The following DOCK3 variants were observed in gnomAD, a reference collection of about 807,000 sequenced individuals.
The protein encoded by DOCK3 is dedicator of cytokinesis 3.
Under a neutral mutation model 265.6 loss-of-function variants are expected in DOCK3, and 60 were observed. The observed-to-expected ratio is 0.23, with a 90% CI of 0.18 to 0.28. The LOEUF is 0.28. DOCK3 is among the 10% of genes least tolerant of loss of function. The probability of loss-of-function intolerance (pLI) is 1.00; values close to 1 mark genes in which losing one functional copy is unlikely to be tolerated. For missense variants in DOCK3, 1,981 were observed against 2,594.3 expected (o/e 0.76, Z 5.14); for synonymous variants, 881 against 938.0 (o/e 0.94, Z 1.11).
intron 5 of DOCK3, among the ~76,000 whole-genome samples, chr3:50,952,311 C>T (rs766360941): frequency 6.6e-6 from 1 of 151,968 alleles, no homozygotes; most frequent in African/African-American, 2.4e-5. Flanking sequence ...AACTTTGGAT[C>T]AAAAACATGC....
intron 32 of DOCK3, among the ~76,000 whole-genome samples, chr3:51,327,885 T>C (rs1314455583): frequency 3.3e-5 from 5 of 152,058 alleles, no homozygotes; most frequent in Non-Finnish European, 7.4e-5. Flanking sequence ...TTTCACCATG[T>C]TGGTCAGGCT....
At chr3:51,237,623 G>A (rs565816149) in intron 21 of DOCK3, 33 bp downstream of exon 21, 26 of 1,573,342 alleles carry the variant, frequency 1.7e-5, no homozygotes, top group African/African-American at 4.0e-5. Context: ...ATTAGGACTC[G>A]TGTTTGAGTA....
At chr3:51,194,112 G>A (rs777566482) in intron 12 of DOCK3, among the ~76,000 whole-genome samples, 4 of 151,780 alleles carry the variant, frequency 2.6e-5, no homozygotes, top group African/African-American at 7.3e-5. Flanking sequence ...TCCTGTTTTC[G>A]TTTATTTTGA....
intron 5 of DOCK3, among the ~76,000 whole-genome samples, chr3:50,972,825 A>AT (rs1221742364): frequency 4.7e-5 from 7 of 149,130 alleles, no homozygotes; most frequent in African/African-American, 1.7e-4. Flanking sequence ...TTTGTAGTGT[A>AT]TTTTGAAATC....
At chr3:51,095,723 A>G (rs1010053411) in intron 9 of DOCK3, among the ~76,000 whole-genome samples, 1 of 151,702 alleles carries the variant, frequency 6.6e-6, no homozygotes, top group Non-Finnish European at 1.5e-5. Flanking sequence ...TAGTGGAGAA[A>G]GGTAATACTC....
chr3:51,138,930 C>CA lies in DOCK3; in HGVS notation c.747-7613dup, dbSNP rs751938026. ...ATATTAGTTAGATCAACTTCTGTAA[C>CA]AAAAAATATATTATGGTTCAAACAC... On this transcript the variant is annotated intron_variant, in intron 9 of 52. Coordinates refer to ENST00000266037, the MANE Select transcript of DOCK3 (RefSeq NM_004947.5). 5.3e-5 allele frequency among the ~76,000 whole-genome samples: 8 copies of CA among 152,194 alleles called. No homozygotes were observed. The South Asian group carries it at 1.5e-3, about 28-fold the overall frequency.
intron 50 of DOCK3, among the ~76,000 whole-genome samples, chr3:51,375,147 G>C (rs1205532931): frequency 6.6e-6 from 1 of 152,208 alleles, no homozygotes; most frequent in African/African-American, 2.4e-5. Context: ...GTCTGTCCCT[G>C]CCCTTCTATC....
intron 27 of DOCK3, 94 bp downstream of exon 27, chr3:51,280,298 C>T: frequency 8.6e-7 from 1 of 1,156,450 alleles, no homozygotes; most frequent in Non-Finnish European, 1.2e-6. Flanking sequence ...ATGCAAGTGA[C>T]TAGCATTGCC....
intron 5 of DOCK3, among the ~76,000 whole-genome samples, chr3:50,964,160 C>G (rs895180371): frequency 2.0e-5 from 3 of 152,126 alleles, no homozygotes; most frequent in African/African-American, 7.2e-5. Flanking sequence ...AGATTGAGCA[C>G]TGTAAATCAT....
intron 5 of DOCK3, among the ~76,000 whole-genome samples, chr3:51,028,368 C>T (rs1003567581): frequency 6.6e-6 from 1 of 151,342 alleles, no homozygotes; most frequent in South Asian, 2.1e-4. Context: ...TTTTTTTTCA[C>T]GTTGATCTTG....
intron 27 of DOCK3, among the ~76,000 whole-genome samples, chr3:51,291,589 G>C (rs1211028758): frequency 1.3e-5 from 2 of 152,274 alleles, no homozygotes; most frequent in East Asian, 3.9e-4. Flanking sequence ...CTAGTAAAGA[G>C]CTTGAATCAG....
intron 1 of DOCK3, among the ~76,000 whole-genome samples, chr3:50,681,251 G>T (rs908067173): frequency 2.0e-5 from 3 of 152,196 alleles, no homozygotes; most frequent in African/African-American, 7.2e-5. Context: ...GCATTCTGAA[G>T]CAGGGCAGTC....
intron 2 of DOCK3, among the ~76,000 whole-genome samples, chr3:50,804,433 C>G (rs188214260): frequency 6.6e-6 from 1 of 152,154 alleles, no homozygotes; most frequent in Non-Finnish European, 1.5e-5. Context: ...CGTCACTGCA[C>G]TCCAGCCTGG....
At chr3:50,699,614 T>G (rs894275146) in intron 1 of DOCK3, among the ~76,000 whole-genome samples, 6 of 152,070 alleles carry the variant, frequency 3.9e-5, no homozygotes, top group Non-Finnish European at 7.4e-5. Context: ...TTTTTAAGAC[T>G]CTGTGTGTAT....
intron 5 of DOCK3, among the ~76,000 whole-genome samples, chr3:50,946,362 A>G (rs189677805): frequency 1.6e-4 from 25 of 152,320 alleles, no homozygotes; most frequent in Admixed American, 8.5e-4. Flanking sequence ...TATTTTGTAC[A>G]TAACAAGATA....
intron 9 of DOCK3, among the ~76,000 whole-genome samples, chr3:51,105,431 CATGTGCCCATAA>C (rs1268221774): frequency 2.6e-5 from 4 of 152,164 alleles, no homozygotes; most frequent in Non-Finnish European, 5.9e-5. Context: ...AGAAACAAGA[CATGTGCCCATAA>C]AAAAGACAAA....
chr3:51,031,642 C>T (rs1052892361), intron 5 of DOCK3, among the ~76,000 whole-genome samples: 1 of 152,132 alleles, frequency 6.6e-6, no homozygotes, highest in East Asian at 1.9e-4. Context: ...AAAATAATGC[C>T]TCATACTAGT....
chr3:51,177,716 C>A (rs140223846), intron 12 of DOCK3, among the ~76,000 whole-genome samples: 7 of 152,094 alleles, frequency 4.6e-5, no homozygotes, highest in Non-Finnish European at 8.8e-5. Context: ...CTTGGCCAGG[C>A]GCAGTGGCTC....
chr3:50,840,241 A>G (rs1575324675), intron 2 of DOCK3, among the ~76,000 whole-genome samples: 1 of 152,044 alleles, frequency 6.6e-6, no homozygotes, highest in Non-Finnish European at 1.5e-5. Flanking sequence ...CTGTGTATCA[A>G]TTATTTCTTT....
Sources: allele counts gnomAD v4.1 joint callset (sites outside exome capture counted in the v4.1 genomes callset), GRCh38; gene constraint gnomAD v4.1.1; transcripts MANE v1.5; gene names NCBI Gene and HGNC (gene_info 2026-07-23, HGNC 2026-07-21).